The following CALN1 variants were observed in gnomAD, a reference collection of about 807,000 sequenced individuals.
CALN1 encodes calneuron 1, also known as calcium-binding protein 8.
A neutral mutation model predicts 30.6 loss-of-function variants in CALN1; 17 were observed. That is an observed-to-expected ratio of 0.56 (90% CI 0.38 to 0.83). The LOEUF is 0.83. CALN1 is among the 40% of genes least tolerant of loss of function. The pLI is 0.00. For missense variants in CALN1, 291 were observed against 354.9 expected, an observed-to-expected ratio of 0.82 and a Z score of 1.45; for synonymous variants, 156 against 131.4, an observed-to-expected ratio of 1.19 and a Z score of -1.28.
At chr7:72,386,158 G>C (rs1031517076) in intron 2 of CALN1, among the ~76,000 whole-genome samples, 3 of 152,208 alleles carry the variant, frequency 2.0e-5, no homozygotes, top group Non-Finnish European at 4.4e-5. Context: ...GTATGGAACT[G>C]TAATTGTGGA....
At chr7:72,118,861 C>T (rs11773298) in intron 3 of CALN1, among the ~76,000 whole-genome samples, 2 of 152,166 alleles carry the variant, frequency 1.3e-5, no homozygotes, top group South Asian at 4.1e-4. Flanking sequence ...GACTCCACTG[C>T]TAGGTCATCA....
rs148543887 is a variant in CALN1 at position 71,902,959 on chromosome 7, T to C, written c.502-92467A>G. 3.9e-3 allele frequency among the ~76,000 whole-genome samples: 585 copies of C among 151,848 alleles called. 5 individuals carry two copies. The highest frequency in any genetic ancestry group is 6.8e-3 in the Non-Finnish European group (463 of 67,912). ...GACATAGAGAGTAGAATAGTAGACA[T>C]TGGAAGCTTGGAAGGGTAGGAGGGT... On this transcript the variant is annotated intron_variant, in intron 5 of 6. Transcript: ENST00000395275.
In CALN1 at chr7:71,884,150, T is replaced by A. The variant is rs1225735003; in HGVS notation, c.502-73658A>T. 3.9e-5 allele frequency among the ~76,000 whole-genome samples: 6 copies of A among 152,136 alleles called. No homozygotes were observed. The East Asian group carries it at 1.2e-3, about 29-fold the overall frequency. On this transcript the variant is annotated intron_variant, in intron 5 of 6. Coordinates refer to ENST00000395275, the MANE Select transcript of CALN1 (RefSeq NM_031468.4). Reference sequence around the variant, plus strand: ...GGATGGTCTTGATCTCCTGACCTCATGATCTGTCCCCCTCGGCCTCCCAAA... The same window carrying A: ...GGATGGTCTTGATCTCCTGACCTCAAGATCTGTCCCCCTCGGCCTCCCAAA...
At chr7:72,126,015 G>A (rs963847175) in intron 3 of CALN1, among the ~76,000 whole-genome samples, 4 of 151,892 alleles carry the variant, frequency 2.6e-5, no homozygotes, top group African/African-American at 9.7e-5. Flanking sequence ...TGACCAGGCT[G>A]GCCTCAAACT....
At chr7:71,907,348 G>A (rs76402103) in intron 5 of CALN1, among the ~76,000 whole-genome samples, 13,461 of 151,972 alleles carry the variant, frequency 0.089, 993 homozygotes, top group East Asian at 0.42. Flanking sequence ...CAATATTACA[G>A]ATTCCTGGGC....
intron 2 of CALN1, among the ~76,000 whole-genome samples, chr7:72,314,128 C>T (rs1277589015): frequency 6.6e-6 from 1 of 152,136 alleles, no homozygotes; most frequent in Non-Finnish European, 1.5e-5. Context: ...TGTCGGTCGA[C>T]TGAGGGCAAG....
intron 5 of CALN1, among the ~76,000 whole-genome samples, chr7:71,890,432 T>C (rs1793173466): frequency 6.6e-6 from 1 of 152,172 alleles, no homozygotes; most frequent in South Asian, 2.1e-4. Context: ...TTCCCTTCCC[T>C]CCTTTCCAAA....
At chr7:72,068,255 AT>A (rs2129537804) in intron 4 of CALN1, among the ~76,000 whole-genome samples, 1 of 152,356 alleles carries the variant, frequency 6.6e-6, no homozygotes, top group African/African-American at 2.4e-5. Context: ...TACATACACT[AT>A]TTACTCATCA....
intron 4 of CALN1, among the ~76,000 whole-genome samples, chr7:72,074,232 T>A (rs1376589231): frequency 6.6e-6 from 1 of 152,118 alleles, no homozygotes; most frequent in Non-Finnish European, 1.5e-5. Flanking sequence ...ATGTTTTGGG[T>A]TCAGAGAAGA....
intron 2 of CALN1, among the ~76,000 whole-genome samples, chr7:72,329,537 G>C (rs183747704): frequency 4.5e-4 from 68 of 152,292 alleles, no homozygotes; most frequent in African/African-American, 1.6e-3. Flanking sequence ...AATGAACCCA[G>C]TTCATTCCTG....
At chr7:71,989,254 A>G (rs1031675947) in intron 5 of CALN1, among the ~76,000 whole-genome samples, 1 of 152,164 alleles carries the variant, frequency 6.6e-6, no homozygotes, top group African/African-American at 2.4e-5. Flanking sequence ...CCTGGCCAAC[A>G]TGGTGAAACC....
chr7:72,386,601 T>G (rs956422), intron 2 of CALN1, among the ~76,000 whole-genome samples: 13,308 of 152,190 alleles, frequency 0.087, 887 homozygotes, highest in African/African-American at 0.18. Flanking sequence ...CATATAATAA[T>G]AGCTTACAGT....
intron 3 of CALN1, among the ~76,000 whole-genome samples, chr7:72,278,046 G>A (rs1209656856): frequency 8.0e-6 from 1 of 125,324 alleles, no homozygotes; most frequent in Admixed American, 8.0e-5. Flanking sequence ...TTTAATTAGA[G>A]GATTGGTTTA....
At chr7:71,825,529 A>G (rs1459417666) in intron 5 of CALN1, among the ~76,000 whole-genome samples, 1 of 152,126 alleles carries the variant, frequency 6.6e-6, no homozygotes, top group Admixed American at 6.6e-5. Context: ...TAATGGACTC[A>G]CACTTCCACA....
intron 3 of CALN1, among the ~76,000 whole-genome samples, chr7:72,224,193 T>C (rs1240626176): frequency 2.6e-5 from 4 of 152,178 alleles, no homozygotes. Context: ...AAGTTGAAAT[T>C]ATTTTTTAAA....
chr7:71,933,555 G>A (rs746042457), intron 5 of CALN1, among the ~76,000 whole-genome samples: 13 of 152,034 alleles, frequency 8.6e-5, no homozygotes, highest in East Asian at 1.9e-4. Context: ...CAACCACACC[G>A]CTTCAACATC....
intron 3 of CALN1, among the ~76,000 whole-genome samples, chr7:72,152,215 T>C (rs757632785): frequency 1.8e-4 from 28 of 152,142 alleles, no homozygotes; most frequent in Non-Finnish European, 2.9e-4. Context: ...CTATACATTC[T>C]TTCCAAACCC....
At chr7:72,264,240 C>CT (rs1436401091) in intron 3 of CALN1, among the ~76,000 whole-genome samples, 1 of 152,064 alleles carries the variant, frequency 6.6e-6, no homozygotes, top group Admixed American at 6.6e-5. Context: ...AATCAATCTG[C>CT]TTTTTTTGTT....
intron 2 of CALN1, among the ~76,000 whole-genome samples, chr7:72,368,413 T>C (rs186201617): frequency 5.9e-4 from 90 of 152,008 alleles, no homozygotes; most frequent in African/African-American, 2.1e-3. Flanking sequence ...AATATTAATA[T>C]TGGTGCCACA....
Sources: allele counts gnomAD v4.1 joint callset (sites outside exome capture counted in the v4.1 genomes callset), GRCh38; gene constraint gnomAD v4.1.1; transcripts MANE v1.5; gene names NCBI Gene and HGNC (gene_info 2026-07-23, HGNC 2026-07-21).